Variants in HHAT observed in about 807,000 individuals in gnomAD.
The protein encoded by HHAT is hedgehog acyltransferase.
HHAT carries 47 observed loss-of-function variants against 70.8 expected under a neutral mutation model. The ratio of observed to expected loss-of-function variants is 0.66; its 90% CI spans 0.53 to 0.85. The LOEUF (loss-of-function observed/expected upper bound fraction) is 0.85. Among genes scored for constraint, HHAT ranks in the 40% least tolerant of loss-of-function variants. HHAT has a pLI of 0.00. For missense variants in HHAT, 609 were observed against 604.8 expected (o/e 1.01, Z -0.07); for synonymous variants, 228 against 247.6 (o/e 0.92, Z 0.74).
intron 3 of HHAT, among the ~76,000 whole-genome samples, chr1:210,382,770 CG>C (rs2090741568): frequency 1.3e-5 from 2 of 152,026 alleles, no homozygotes; most frequent in Non-Finnish European, 2.9e-5. Context: ...TTTGTGGTTA[CG>C]GGGCATAAAT....
At chr1:210,415,661 T>C (rs1395275656) in intron 6 of HHAT, among the ~76,000 whole-genome samples, 1 of 148,752 alleles carries the variant, frequency 6.7e-6, no homozygotes, top group Non-Finnish European at 1.5e-5. Context: ...TTGTACCAAT[T>C]TTTTCCTTTT....
In HHAT at chr1:210,362,913, AAAG is replaced by A. The variant is rs758557660; in HGVS notation, c.157_159del (p.Lys53del). The A allele has an allele frequency of 6.2e-7, 1 of 1,610,348 alleles. No homozygotes were observed. The highest frequency in any genetic ancestry group is 2.2e-5 in the East Asian group (1 of 44,880). ...AGACTGACACTTTATTTGGAGGATT[AAAG>A]AAGGTACAAAGTGGATGCATAATAA... is the stretch of plus-strand genomic sequence containing the variant. On this transcript the variant is annotated inframe_deletion, in exon 3 of 12. Transcript: ENST00000261458.
intron 9 of HHAT, among the ~76,000 whole-genome samples, chr1:210,558,888 G>T (rs1327559603): frequency 6.6e-6 from 1 of 152,178 alleles, no homozygotes; most frequent in Admixed American, 6.5e-5. Flanking sequence ...GGGCTGTCTT[G>T]GGTCACCTTA....
chr1:210,588,135 T>A, intron 10 of HHAT, 36 bp downstream of exon 10: 2 of 1,517,874 alleles, frequency 1.3e-6, no homozygotes, highest in Non-Finnish European at 1.8e-6. Context: ...TAGGGGACAG[T>A]GGAACTAGGC....
At chr1:210,558,915 C>A (rs921981549) in intron 9 of HHAT, among the ~76,000 whole-genome samples, 5 of 152,222 alleles carry the variant, frequency 3.3e-5, no homozygotes, top group African/African-American at 1.2e-4. Context: ...ATGATGAGGT[C>A]CTGTCTGGAG....
At chr1:210,384,130 GT>G (rs1412218591) in intron 3 of HHAT, among the ~76,000 whole-genome samples, 1 of 152,198 alleles carries the variant, frequency 6.6e-6, no homozygotes, top group African/African-American at 2.4e-5. Flanking sequence ...TTGCTAGGAC[GT>G]TAGAGTTACT....
intron 1 of HHAT, among the ~76,000 whole-genome samples, chr1:210,337,087 A>C (rs74156132): frequency 6.6e-6 from 1 of 152,202 alleles, no homozygotes; most frequent in Admixed American, 6.5e-5. Flanking sequence ...AATTTCATAT[A>C]AAAAGACTTA....
At chr1:210,634,984 T>G (rs553066710) in intron 11 of HHAT, among the ~76,000 whole-genome samples, 4 of 152,296 alleles carry the variant, frequency 2.6e-5, no homozygotes, top group South Asian at 2.1e-4. Flanking sequence ...GAGAGGGTTT[T>G]GGGGACATAG....
At chr1:210,481,926 G>T (rs1053505421) in intron 8 of HHAT, among the ~76,000 whole-genome samples, 1 of 152,196 alleles carries the variant, frequency 6.6e-6, no homozygotes, top group African/African-American at 2.4e-5. Context: ...TGCCAGAAGT[G>T]TGCCCAAAGT....
intron 9 of HHAT, among the ~76,000 whole-genome samples, chr1:210,545,956 G>C (rs968180027): frequency 6.6e-6 from 1 of 152,192 alleles, no homozygotes; most frequent in African/African-American, 2.4e-5. Context: ...ACAACACCTG[G>C]CACTTAATAG....
intron 8 of HHAT, among the ~76,000 whole-genome samples, chr1:210,511,689 C>CT (rs2094953962): frequency 6.6e-6 from 1 of 151,650 alleles, no homozygotes; most frequent in African/African-American, 2.4e-5. Context: ...AGAGGCGAGA[C>CT]TGGTGGGTGG....
At chr1:210,438,747 C>A (rs2093437257) in intron 7 of HHAT, among the ~76,000 whole-genome samples, 1 of 151,792 alleles carries the variant, frequency 6.6e-6, no homozygotes, top group Non-Finnish European at 1.5e-5. Context: ...TATATAATGA[C>A]AATAAAAATA....
At chr1:210,494,792 A>C (rs2094608739) in intron 8 of HHAT, among the ~76,000 whole-genome samples, 1 of 151,932 alleles carries the variant, frequency 6.6e-6, no homozygotes, top group South Asian at 2.1e-4. Context: ...ACCTCAGGCT[A>C]TCCGCCTGCC....
intron 3 of HHAT, among the ~76,000 whole-genome samples, chr1:210,381,606 T>C (rs889579317): frequency 3.9e-5 from 6 of 152,148 alleles, no homozygotes; most frequent in Admixed American, 3.9e-4. Flanking sequence ...GGCTTACCCA[T>C]GGCCTTTCTT....
chr1:210,348,742 T>C (rs928423615), intron 1 of HHAT, among the ~76,000 whole-genome samples, 191 bp from the exon 2 acceptor site: 23 of 151,256 alleles, frequency 1.5e-4, no homozygotes, highest in Non-Finnish European at 2.8e-4. Context: ...TGTGCGTGTG[T>C]GTGTGTGTGT....
chr1:210,407,982 G>C (rs2092398385), intron 6 of HHAT, among the ~76,000 whole-genome samples: 1 of 152,104 alleles, frequency 6.6e-6, no homozygotes, highest in Admixed American at 6.6e-5. Flanking sequence ...CAAAGGTCCT[G>C]GAGCCCACCC....
intron 3 of HHAT, among the ~76,000 whole-genome samples, chr1:210,378,298 C>T (rs2090381049): frequency 6.6e-6 from 1 of 152,106 alleles, no homozygotes; most frequent in Non-Finnish European, 1.5e-5. Context: ...ATAAGTCTTA[C>T]TCAGTGTAAT....
At chr1:210,608,667 A>C (rs565289605) in intron 10 of HHAT, among the ~76,000 whole-genome samples, 1 of 152,270 alleles carries the variant, frequency 6.6e-6, no homozygotes, top group South Asian at 2.1e-4. Context: ...ACATTGTCTT[A>C]GTCCATTTGT....
At chr1:210,565,696 A>C (rs1241171872) in intron 9 of HHAT, among the ~76,000 whole-genome samples, 1 of 152,168 alleles carries the variant, frequency 6.6e-6, no homozygotes, top group African/African-American at 2.4e-5. Context: ...AGCCCTCATC[A>C]GCTATTTTGC....
Sources: allele counts gnomAD v4.1 joint callset (sites outside exome capture counted in the v4.1 genomes callset), GRCh38; gene constraint gnomAD v4.1.1; transcripts MANE v1.5; gene names NCBI Gene and HGNC (gene_info 2026-07-23, HGNC 2026-07-21).